LARGE1: variants seen among roughly 807,000 people sequenced by gnomAD.
The protein encoded by LARGE1 is xylosyl- and glucuronyltransferase LARGE1.
LARGE1 carries 43 observed loss-of-function variants against 87.6 expected under a neutral mutation model. That is an observed-to-expected ratio of 0.49 (90% CI 0.38 to 0.63). LARGE1 has a LOEUF of 0.63. Among genes scored for constraint, LARGE1 ranks in the 30% least tolerant of loss-of-function variants. The pLI, the probability that LARGE1 is intolerant of heterozygous loss-of-function variation, is 0.00. For synonymous variants in LARGE1, 434 were observed against 394.6 expected (o/e 1.10, Z -1.18); for missense variants, 802 against 1,000.2 (o/e 0.80, Z 2.67).
At chr22:33,835,284 G>C (rs981307151) in intron 1 of LARGE1, among the ~76,000 whole-genome samples, 3 of 152,160 alleles carry the variant, frequency 2.0e-5, no homozygotes, top group Admixed American at 2.0e-4. Context: ...CTACACTTTG[G>C]AGTCTGTAAA....
At chr22:33,110,618 A>T in the LARGE1 span, 1 of 152,240 alleles carries the variant, frequency 6.6e-6, no homozygotes, top group African/African-American at 2.4e-5. Flanking sequence ...GGGCCAACAG[A>T]TGTCCTTATT....
chr22:33,277,119 G>A lies in LARGE1; in HGVS notation c.2014C>T (p.Arg672Trp). ...VVRRDCPEYDRRFVGFGWNKV... is the reference protein window; with the variant it reads ...VVRRDCPEYDWRFVGFGWNKV... ...TTCCAGCCAAAGCCTACAAACCTCC[G>A]GTCGTACTCCGGGCAGTCACGTCTC... Residue 672 changes from arginine (R) to tryptophan (W), a missense_variant, in exon 14 of 15, where the codon CGG (arginine) becomes TGG (tryptophan). Physicochemically the swap from Arg to Trp is moderately radical, Grantham distance 101 (BLOSUM62 -3). Coordinates refer to ENST00000397394, the MANE Select transcript of LARGE1 (RefSeq NM_133642.5). 3 of 1,614,200 alleles carry A rather than the reference G, an allele frequency of 1.9e-6. No homozygotes were observed. The highest frequency in any genetic ancestry group is 1.7e-6 in the Non-Finnish European group (2 of 1,180,028).
intron 11 of LARGE1, among the ~76,000 whole-genome samples, chr22:33,242,142 TA>T (rs1271716100): frequency 2.0e-5 from 3 of 152,130 alleles, no homozygotes; most frequent in Non-Finnish European, 4.4e-5. Flanking sequence ...TTTTTTCAAT[TA>T]AAAATAAAAT....
At chr22:33,700,439 A>G (rs2082372368) in intron 2 of LARGE1, among the ~76,000 whole-genome samples, 10 of 152,200 alleles carry the variant, frequency 6.6e-5, no homozygotes, top group Admixed American at 6.5e-4. Flanking sequence ...GCTGCCTCAC[A>G]ATCCAAAGTG....
In LARGE1 at chr22:33,667,824, T is replaced by C. The variant is rs76473328; in HGVS notation, c.107-17156A>G. On this transcript the variant is annotated intron_variant, in intron 2 of 14. Coordinates refer to ENST00000397394, the MANE Select transcript of LARGE1 (RefSeq NM_133642.5). ...AATTTTTGGTTATGGGGCAAAGGCC[T>C]TTTCTATAAGGACATGCCCGCTGTC... Among the ~76,000 whole-genome samples the C allele has an allele frequency of 1.2e-4, 18 of 152,218 alleles. No individual in the cohort carries two copies. In the East Asian group the frequency reaches 2.5e-3, roughly 21 times the overall value.
At chr22:33,757,173 C>T (rs1261877415) in intron 2 of LARGE1, among the ~76,000 whole-genome samples, 1 of 152,150 alleles carries the variant, frequency 6.6e-6, no homozygotes, top group Non-Finnish European at 1.5e-5. Context: ...GAACTCCATG[C>T]CTGACAACTG....
chr22:33,476,214 CTGAGA>C (rs2069070540), intron 6 of LARGE1, among the ~76,000 whole-genome samples: 1 of 152,196 alleles, frequency 6.6e-6, no homozygotes, highest in Non-Finnish European at 1.5e-5. Flanking sequence ...CTCTGCTCAC[CTGAGA>C]CAAACGCATA....
chr22:33,833,117 C>T (rs5749679), intron 1 of LARGE1, among the ~76,000 whole-genome samples: 26,053 of 152,144 alleles, frequency 0.17, 2,933 homozygotes, highest in East Asian at 0.41. Flanking sequence ...ATGTCTCAGC[C>T]TGTAGAGGTA....
At chr22:33,513,541 AAAATGCTGATAAGCAGATCCAGG>A (rs1488652817) in intron 6 of LARGE1, among the ~76,000 whole-genome samples, 1 of 152,206 alleles carries the variant, frequency 6.6e-6, no homozygotes, top group Non-Finnish European at 1.5e-5. Flanking sequence ...CTGCCTGAAA[AAAATGCTGATAAGCAGATCCAGG>A]AGGCAGCGAG....
the LARGE1 span, among the ~76,000 whole-genome samples, chr22:33,125,447 AT>A: frequency 7.4e-4 from 107 of 144,212 alleles, no homozygotes; most frequent in South Asian, 2.2e-3. Flanking sequence ...CCTGCTTTCA[AT>A]TTTTTTTTTT....
At chr22:33,607,730 G>A (rs966661140) in intron 4 of LARGE1, among the ~76,000 whole-genome samples, 2 of 152,090 alleles carry the variant, frequency 1.3e-5, no homozygotes, top group Non-Finnish European at 2.9e-5. Flanking sequence ...GAATGGGTGG[G>A]TCTAGACCTG....
chr22:33,139,552 T>G, the LARGE1 span, among the ~76,000 whole-genome samples: 2 of 152,186 alleles, frequency 1.3e-5, no homozygotes, highest in Non-Finnish European at 2.9e-5. Flanking sequence ...TTCTGACAAT[T>G]CAAATTTACT....
At chr22:33,663,338 C>T (rs1474228718) in intron 2 of LARGE1, among the ~76,000 whole-genome samples, 1 of 152,174 alleles carries the variant, frequency 6.6e-6, no homozygotes, top group Non-Finnish European at 1.5e-5. Flanking sequence ...TATTTTCTTC[C>T]AAGTCCTACA....
intron 6 of LARGE1, among the ~76,000 whole-genome samples, chr22:33,507,381 A>G (rs1482070561): frequency 6.6e-6 from 1 of 152,172 alleles, no homozygotes; most frequent in African/African-American, 2.4e-5. Context: ...AAATTCTCAT[A>G]CATGCTACAA....
chr22:33,777,846 G>T lies in LARGE1; in HGVS notation c.-82-16288C>A, dbSNP rs376038300. ...ACTTTCTTCTGGGATGCCCTGCTGG[G>T]GGCCCTCCCAACAGTCATGCCCCTG... On this transcript the variant is annotated intron_variant, in intron 1 of 14. Coordinates refer to ENST00000397394, the MANE Select transcript of LARGE1 (RefSeq NM_133642.5). Among the ~76,000 whole-genome samples, 78 of 152,300 alleles carry T rather than the reference G, an allele frequency of 5.1e-4. 1 individual carries two copies. Among genetic ancestry groups the T allele is most frequent in the African/African-American group, 1.8e-3 (73 of 41,548 alleles).
At chr22:33,717,071 A>G (rs1375779532) in intron 2 of LARGE1, among the ~76,000 whole-genome samples, 1 of 152,170 alleles carries the variant, frequency 6.6e-6, no homozygotes, top group African/African-American at 2.4e-5. Flanking sequence ...TCTTCACTGT[A>G]TATGTTGTAC....
chr22:33,714,321 G>T (rs1167892585), intron 2 of LARGE1, among the ~76,000 whole-genome samples: 6 of 152,176 alleles, frequency 3.9e-5, no homozygotes, highest in Admixed American at 3.9e-4. Context: ...AAAAACTCCA[G>T]CTCTAGAGGC....
At chr22:33,619,990 C>T (rs1199966783) in intron 4 of LARGE1, among the ~76,000 whole-genome samples, 1 of 152,168 alleles carries the variant, frequency 6.6e-6, no homozygotes, top group Non-Finnish European at 1.5e-5. Context: ...CAGCTCAGGC[C>T]TGGTAGGAGC....
At chr22:33,688,753 G>A (rs1026555903) in intron 2 of LARGE1, among the ~76,000 whole-genome samples, 3 of 152,102 alleles carry the variant, frequency 2.0e-5, no homozygotes, top group Non-Finnish European at 4.4e-5. Context: ...TTTGCAAGTG[G>A]AGGGATGGTC....
Sources: allele counts gnomAD v4.1 joint callset (sites outside exome capture counted in the v4.1 genomes callset), GRCh38; gene constraint gnomAD v4.1.1; transcripts MANE v1.5; gene names NCBI Gene and HGNC (gene_info 2026-07-23, HGNC 2026-07-21).